ZMYND11: variants seen among roughly 807,000 people sequenced by gnomAD.
ZMYND11 encodes the protein zinc finger MYND domain-containing protein 11.
ZMYND11 carries 9 observed loss-of-function variants against 84.9 expected under a neutral mutation model. That is an observed-to-expected ratio of 0.11 (90% confidence interval 0.06 to 0.18). The LOEUF (loss-of-function observed/expected upper bound fraction) is 0.18. Among genes scored for constraint, ZMYND11 ranks in the 10% least tolerant of loss-of-function variants. The pLI, the probability that ZMYND11 is intolerant of heterozygous loss-of-function variation, is 1.00. For missense variants in ZMYND11, 409 were observed against 761.0 expected (o/e 0.54, Z 5.44); for synonymous variants, 250 against 244.1 (o/e 1.02, Z -0.23).
At chr10:209,851 C>G in intron 2 of ZMYND11, 38 bp from the exon 3 acceptor site, 14 of 1,572,318 alleles carry the variant, frequency 8.9e-6, no homozygotes, top group Non-Finnish European at 1.1e-5. Context: ...GTTTTCAGTA[C>G]TGAAAGATTT....
At chr10:226,353 A>T (rs1032003723) in intron 4 of ZMYND11, among the ~76,000 whole-genome samples, 3 of 152,184 alleles carry the variant, frequency 2.0e-5, no homozygotes, top group Admixed American at 1.3e-4. Context: ...TAGCTTTTTA[A>T]AAAACTCTGT....
chr10:222,682 G>A (rs888441174), intron 4 of ZMYND11, among the ~76,000 whole-genome samples: 1 of 151,750 alleles, frequency 6.6e-6, no homozygotes, highest in Admixed American at 6.6e-5. Context: ...GTTTACCCTA[G>A]GGGAAGTAGA....
At chr10:194,249 C>A (rs1031692951) in intron 2 of ZMYND11, among the ~76,000 whole-genome samples, 1 of 150,466 alleles carries the variant, frequency 6.6e-6, no homozygotes, top group African/African-American at 2.5e-5. Context: ...CTCAGCCTCC[C>A]AAAGTGCTGG....
chr10:243,503 A>G (rs907080622), intron 10 of ZMYND11, among the ~76,000 whole-genome samples: 28 of 152,190 alleles, frequency 1.8e-4, no homozygotes, highest in Admixed American at 5.2e-4. Context: ...TTCAACCATG[A>G]GTGATATTAA....
At position 212,433 on chromosome 10, in the gene ZMYND11, T is replaced by C. The variant is rs750596; in HGVS notation, c.276+2385T>C. ...GCTGTATAATATAAGCACAAGTGAA[T>C]ATATCAAAATTGTGCCTGGTGTATA... is the stretch of plus-strand genomic sequence containing the variant. On this transcript the variant is annotated intron_variant, in intron 3 of 14. Transcript: ENST00000381604. 1.2e-3 allele frequency among the ~76,000 whole-genome samples: 178 copies of C among 152,036 alleles called. 5 individuals are homozygous for C. In the South Asian group the frequency reaches 0.024, roughly 20 times the overall value.
Position 189,312 on chromosome 10 carries a change from T to C in ZMYND11, c.116+9184T>C, listed in dbSNP as rs118111959. On this transcript the variant is annotated intron_variant, in intron 2 of 14. Transcript: ENST00000381604. ...TTGAAAACACTTTCCAGGAACTGTT[T>C]ATTTATGTAAGTTAAATTTTGCTAT... 7.5e-3 allele frequency among the ~76,000 whole-genome samples: 1,150 copies of C among 152,342 alleles called. 14 individuals are homozygous for C. Among genetic ancestry groups the C allele is most frequent in the Non-Finnish European group, 8.2e-3 (559 of 68,032 alleles).
At chr10:191,456 G>A (rs1471359101) in intron 2 of ZMYND11, among the ~76,000 whole-genome samples, 1 of 152,144 alleles carries the variant, frequency 6.6e-6, no homozygotes, top group Non-Finnish European at 1.5e-5. Context: ...CACCTTATAG[G>A]TAGGGAATGT....
chr10:244,314 T>A (rs545990419), intron 10 of ZMYND11, among the ~76,000 whole-genome samples: 1 of 152,136 alleles, frequency 6.6e-6, no homozygotes, highest in East Asian at 1.9e-4. Flanking sequence ...ATCATATCAT[T>A]ACATGTAAAT....
At chr10:134,569 C>A (rs1415988029), upstream of ZMYND11, 1 of 152,236 alleles carries the variant, frequency 6.6e-6, no homozygotes, top group Non-Finnish European at 1.5e-5. Flanking sequence ...CTTAGCGTAT[C>A]CCTACCGCTC....
At chr10:198,023 A>G (rs1437282228) in intron 2 of ZMYND11, 6 of 596,772 alleles carry the variant, frequency 1.0e-5, no homozygotes, top group Middle Eastern at 2.5e-4. Flanking sequence ...AGTTTTTAAA[A>G]AGTTGGTAAA....
At chr10:229,882 T>C (rs1002540099) in intron 4 of ZMYND11, among the ~76,000 whole-genome samples, 12 of 152,156 alleles carry the variant, frequency 7.9e-5, no homozygotes, top group Non-Finnish European at 1.8e-4. Flanking sequence ...CAAGTGGGCC[T>C]AGACGATATT....
At position 239,530 on chromosome 10, in the gene ZMYND11, A is replaced by G. The variant is rs1253647987; in HGVS notation, c.697+5A>G. On this transcript the variant is annotated splice_donor_5th_base_variant and intron_variant, in intron 7 of 14. Transcript: ENST00000381604. ...ATACCGTGATTTTCTATGGAGGTTG[A>G]ATATTTTTGTTTTTTTTGTATGCAT... 6.7e-7 allele frequency: 1 copy of G among 1,490,256 alleles called. No homozygotes were observed. Among genetic ancestry groups the G allele is most frequent in the East Asian group, 2.4e-5 (1 of 40,984 alleles). The allele number at this position is 1,490,256 out of a possible 1,614,324, so 92.3% of individuals were successfully genotyped here.
chr10:166,495 CAACA>C (rs1257187718), intron 1 of ZMYND11, among the ~76,000 whole-genome samples: 1 of 151,900 alleles, frequency 6.6e-6, no homozygotes, highest in Non-Finnish European at 1.5e-5. Flanking sequence ...AAAAGGTGTT[CAACA>C]TCATTAGTCA....
chr10:162,348 A>G (rs1843112099), intron 1 of ZMYND11, among the ~76,000 whole-genome samples: 1 of 152,234 alleles, frequency 6.6e-6, no homozygotes. Flanking sequence ...ATATTGTGAT[A>G]CTTAACAAAA....
chr10:224,548 A>G (rs948496681), intron 4 of ZMYND11, among the ~76,000 whole-genome samples: 2 of 152,264 alleles, frequency 1.3e-5, no homozygotes, highest in Non-Finnish European at 1.5e-5. Context: ...AAAATTTGCT[A>G]TAAAAAATTC....
chr10:186,847 G>A (rs1361420132), intron 2 of ZMYND11, among the ~76,000 whole-genome samples: 1 of 152,006 alleles, frequency 6.6e-6, no homozygotes, highest in Non-Finnish European at 1.5e-5. Context: ...TAACTTGGCG[G>A]AGTTCATAGC....
rs188115903 is a variant in ZMYND11, at chr10:230,088, A to G, written c.439-6750A>G. Among the ~76,000 whole-genome samples, 493 of 152,314 alleles carry G rather than the reference A, an allele frequency of 3.2e-3. 5 individuals are homozygous for G. The highest frequency in any genetic ancestry group is 0.011 in the African/African-American group (447 of 41,576). On this transcript the variant is annotated intron_variant, in intron 4 of 14. Transcript: ENST00000381604. Reference sequence around the variant, plus strand: ...GAGATTTAGGAGCTGTTTAATCCCTAAAACGATATAAGTAATTTATGTGTA... The same window carrying G: ...GAGATTTAGGAGCTGTTTAATCCCTGAAACGATATAAGTAATTTATGTGTA...
chr10:131,605 G>C (rs1835313589), upstream of ZMYND11, among the ~76,000 whole-genome samples: 1 of 152,158 alleles, frequency 6.6e-6, no homozygotes, highest in African/African-American at 2.4e-5. Flanking sequence ...GCTCACTGCA[G>C]CCCTGACCTC....
At chr10:206,733 C>T (rs950412958) in intron 2 of ZMYND11, among the ~76,000 whole-genome samples, 1 of 152,138 alleles carries the variant, frequency 6.6e-6, no homozygotes, top group African/African-American at 2.4e-5. Context: ...TGGTTTTGGT[C>T]TTCTCATACG....
Sources: allele counts gnomAD v4.1 joint callset (sites outside exome capture counted in the v4.1 genomes callset), GRCh38; gene constraint gnomAD v4.1.1; transcripts MANE v1.5; gene names NCBI Gene and HGNC (gene_info 2026-07-23, HGNC 2026-07-21).